Variants in CYYR1 observed in about 807,000 individuals in gnomAD.
The protein encoded by CYYR1 is cysteine and tyrosine-rich protein 1.
Under a neutral mutation model 15.2 loss-of-function variants are expected in CYYR1, and 14 were observed. That is an observed-to-expected ratio of 0.92 (90% CI 0.61 to 1.44). CYYR1 has a LOEUF of 1.44. Ranked by LOEUF, CYYR1 falls within the 40% of genes most tolerant of loss-of-function variation. The probability of loss-of-function intolerance (pLI) is 0.00; values close to 1 mark genes in which losing one functional copy is unlikely to be tolerated. For missense variants in CYYR1, 228 were observed against 209.5 expected (o/e 1.09, Z -0.54); for synonymous variants, 80 against 77.4 (o/e 1.03, Z -0.18).
At position 26,524,407 on chromosome 21, in the gene CYYR1, G is replaced by A. The variant is rs940704925; in HGVS notation, c.176+41859C>T. The stretch of plus-strand genomic sequence containing the variant: ...ATTGCTTACATTGAATGTTTTGGCC[G>A]CTCCAATCAAAGTTGATGTTGTGGA... On this transcript the variant is annotated intron_variant, in intron 2 of 3. Transcript: ENST00000652641. Among the ~76,000 whole-genome samples, 7 of 152,106 alleles carry A rather than the reference G, an allele frequency of 4.6e-5. No individual in the cohort carries two copies. The East Asian group carries it at 5.8e-4, about 13-fold the overall frequency.
At chr21:26,486,145 T>C (rs1004376102) in intron 2 of CYYR1, among the ~76,000 whole-genome samples, 9 of 152,160 alleles carry the variant, frequency 5.9e-5, no homozygotes, top group Non-Finnish European at 1.5e-5. Flanking sequence ...GTTATTTTAC[T>C]GTTGAGTTTT....
chr21:26,515,522 G>C (rs751755922), intron 2 of CYYR1, among the ~76,000 whole-genome samples: 1 of 151,906 alleles, frequency 6.6e-6, no homozygotes, highest in African/African-American at 2.4e-5. Context: ...CATCATGCCC[G>C]GCTAATTTTT....
At chr21:26,572,460 C>A (rs1023654429) in intron 1 of CYYR1, among the ~76,000 whole-genome samples, 1 of 152,068 alleles carries the variant, frequency 6.6e-6, no homozygotes, top group African/African-American at 2.4e-5. Context: ...TCCCAAAGAA[C>A]GAAAACAAAG....
chr21:26,526,435 A>G (rs2065866281), intron 2 of CYYR1, among the ~76,000 whole-genome samples: 1 of 152,164 alleles, frequency 6.6e-6, no homozygotes, highest in South Asian at 2.1e-4. Context: ...GCGACAGAGC[A>G]AAATTCTGGC....
intron 2 of CYYR1, among the ~76,000 whole-genome samples, chr21:26,545,834 C>T (rs199910175): frequency 3.3e-5 from 5 of 151,864 alleles, no homozygotes; most frequent in Admixed American, 6.6e-5. Flanking sequence ...CCGCCCGCCT[C>T]GGCCTCCCAA....
At chr21:26,549,188 A>G (rs1307788557) in intron 2 of CYYR1, among the ~76,000 whole-genome samples, 1 of 152,212 alleles carries the variant, frequency 6.6e-6, no homozygotes, top group Non-Finnish European at 1.5e-5. Flanking sequence ...TCGTTCCAGG[A>G]TAAGCTCTTT....
In CYYR1 at chr21:26,483,062, C is replaced by T. The variant is rs576608305; in HGVS notation, c.177-2633G>A. On this transcript the variant is annotated intron_variant, in intron 2 of 3. Coordinates refer to ENST00000652641, the MANE Select transcript of CYYR1 (RefSeq NM_001320768.2). ...AGCTTTTGAACTTTCTGGATCGATTCTCTAACTCTTTTTTAAAATCCTTTT... is the reference window on the plus strand; with the variant it reads ...AGCTTTTGAACTTTCTGGATCGATTTTCTAACTCTTTTTTAAAATCCTTTT... Among the ~76,000 whole-genome samples, 3 of 152,006 alleles carry T rather than the reference C, an allele frequency of 2.0e-5. No homozygotes were observed. The East Asian group carries it at 5.8e-4, about 29-fold the overall frequency.
chr21:26,517,506 A>C (rs2065747619), intron 2 of CYYR1, among the ~76,000 whole-genome samples: 1 of 152,176 alleles, frequency 6.6e-6, no homozygotes, highest in African/African-American at 2.4e-5. Flanking sequence ...GGAATGGGGT[A>C]TATTAAAACT....
At chr21:26,519,827 T>C (rs1018662741) in intron 2 of CYYR1, among the ~76,000 whole-genome samples, 1 of 152,116 alleles carries the variant, frequency 6.6e-6, no homozygotes, top group African/African-American at 2.4e-5. Context: ...AGCATGGTGA[T>C]TCCTCAAGGA....
At chr21:26,517,676 C>T (rs2065750237) in intron 2 of CYYR1, among the ~76,000 whole-genome samples, 1 of 152,132 alleles carries the variant, frequency 6.6e-6, no homozygotes, top group Non-Finnish European at 1.5e-5. Context: ...CTGCCTCAGC[C>T]TCCCGAGTAG....
chr21:26,485,326 T>C (rs529555916), intron 2 of CYYR1, among the ~76,000 whole-genome samples: 3 of 152,182 alleles, frequency 2.0e-5, no homozygotes, highest in East Asian at 1.9e-4. Context: ...AAGCAGGAAA[T>C]TGACATTACT....
chr21:26,525,148 CT>C (rs1482414252), intron 2 of CYYR1, among the ~76,000 whole-genome samples: 1 of 152,124 alleles, frequency 6.6e-6, no homozygotes, highest in Non-Finnish European at 1.5e-5. Flanking sequence ...TACTTTCAGT[CT>C]TTCTACTTCC....
At chr21:26,490,892 GA>G (rs2065318437) in intron 2 of CYYR1, among the ~76,000 whole-genome samples, 1 of 152,104 alleles carries the variant, frequency 6.6e-6, no homozygotes, top group African/African-American at 2.4e-5. Flanking sequence ...ATGTAAAGAT[GA>G]AAAAATTCTA....
intron 2 of CYYR1, among the ~76,000 whole-genome samples, chr21:26,497,095 A>C (rs957475291): frequency 6.6e-6 from 1 of 152,138 alleles, no homozygotes; most frequent in African/African-American, 2.4e-5. Context: ...CACTTGTGCC[A>C]AAGTTTTAAA....
chr21:26,482,169 T>C (rs2065190251), intron 2 of CYYR1: 1 of 488,222 alleles, frequency 2.0e-6, no homozygotes, highest in Non-Finnish European at 2.7e-6. Context: ...GTTAAATCAG[T>C]CTTCAGTATT....
At chr21:26,568,836 G>A (rs1380053135) in intron 1 of CYYR1, 1 of 152,076 alleles carries the variant, frequency 6.6e-6, no homozygotes, top group East Asian at 1.9e-4. Flanking sequence ...CATACAAGCA[G>A]CCAACAAACA....
intron 2 of CYYR1, among the ~76,000 whole-genome samples, chr21:26,499,932 G>A (rs1296038818): frequency 6.6e-6 from 1 of 151,858 alleles, no homozygotes; most frequent in Non-Finnish European, 1.5e-5. Context: ...CCCAAAATAG[G>A]GCAATGTCTT....
intron 2 of CYYR1, among the ~76,000 whole-genome samples, chr21:26,562,002 G>A (rs1288782724): frequency 6.6e-6 from 1 of 152,188 alleles, no homozygotes; most frequent in Non-Finnish European, 1.5e-5. Flanking sequence ...TCTGGGGAAT[G>A]CCAATTAAAT....
intron 2 of CYYR1, among the ~76,000 whole-genome samples, chr21:26,533,933 A>T (rs2065964850): frequency 6.6e-6 from 1 of 152,162 alleles, no homozygotes; most frequent in Non-Finnish European, 1.5e-5. Context: ...ACACAGGTGT[A>T]CCTAAGATTA....
Sources: allele counts gnomAD v4.1 joint callset (sites outside exome capture counted in the v4.1 genomes callset), GRCh38; gene constraint gnomAD v4.1.1; transcripts MANE v1.5; gene names NCBI Gene and HGNC (gene_info 2026-07-23, HGNC 2026-07-21).